Variants in ACBD3 observed in about 807,000 individuals in gnomAD.
ACBD3 encodes Golgi resident protein GCP60.
Under a neutral mutation model 66.9 loss-of-function variants are expected in ACBD3, and 30 were observed. The ratio of observed to expected loss-of-function variants is 0.45; its 90% CI spans 0.34 to 0.61. The LOEUF (loss-of-function observed/expected upper bound fraction) is 0.61, where lower values mean the gene tolerates loss of function less well. Among genes scored for constraint, ACBD3 ranks in the 20% least tolerant of loss-of-function variants. The probability of loss-of-function intolerance (pLI) is 0.02; values close to 1 mark genes in which losing one functional copy is unlikely to be tolerated. For synonymous variants in ACBD3, 278 were observed against 259.8 expected, an observed-to-expected ratio of 1.07 and a Z score of -0.68; for missense variants, 544 against 664.5, an observed-to-expected ratio of 0.82 and a Z score of 1.99.
chr1:226,172,076 A>G (rs569414112), intron 1 of ACBD3, among the ~76,000 whole-genome samples: 106 of 137,688 alleles, frequency 7.7e-4, no homozygotes, highest in Non-Finnish European at 4.1e-4. Context: ...AGTTGCTTGA[A>G]CCTGGGAGGC....
intron 5 of ACBD3, among the ~76,000 whole-genome samples, chr1:226,156,976 T>C (rs1659686194): frequency 6.6e-6 from 1 of 152,200 alleles, no homozygotes. Flanking sequence ...TGTAATAGAT[T>C]GTAATGATAT....
rs1007304536 is a variant in ACBD3 at position 226,153,666 on chromosome 1, T to C, written c.1090+981A>G. Reference sequence around the variant, plus strand: ...TAGCACTCAGGAAACCTTCAACTAATTGCTGAATGAACAAATGAGCTGCCC... The same window carrying C: ...TAGCACTCAGGAAACCTTCAACTAACTGCTGAATGAACAAATGAGCTGCCC... On this transcript the variant is annotated intron_variant, in intron 6 of 7. Transcript: ENST00000366812. Among the ~76,000 whole-genome samples, 85 of 152,318 alleles carry C rather than the reference T, an allele frequency of 5.6e-4. No homozygotes were observed. The Middle Eastern group carries it at 0.01, about 18-fold the overall frequency.
At chr1:226,165,130 T>C (rs971105254) in intron 2 of ACBD3, among the ~76,000 whole-genome samples, 6 of 152,168 alleles carry the variant, frequency 3.9e-5, no homozygotes, top group African/African-American at 7.2e-5. Context: ...AACAACTGCA[T>C]TGCTGATGAT....
intron 3 of ACBD3, among the ~76,000 whole-genome samples, chr1:226,162,462 A>AT (rs1659790095): frequency 1.3e-5 from 2 of 152,170 alleles, no homozygotes; most frequent in South Asian, 4.1e-4. Flanking sequence ...TGAAATTAAA[A>AT]TTTTTTGTAA....
At chr1:226,171,818 C>T (rs1039228162) in intron 1 of ACBD3, among the ~76,000 whole-genome samples, 13 of 152,062 alleles carry the variant, frequency 8.5e-5, no homozygotes, top group African/African-American at 2.9e-4. Flanking sequence ...GCTGGGATTA[C>T]AGACGTGAGC....
intron 5 of ACBD3, among the ~76,000 whole-genome samples, chr1:226,158,518 G>A (rs538473379): frequency 4.3e-4 from 66 of 152,214 alleles, no homozygotes; most frequent in Admixed American, 6.5e-5. Context: ...CTATTGTTAC[G>A]GACTGAAAGA....
intron 1 of ACBD3, among the ~76,000 whole-genome samples, chr1:226,181,837 CAAG>C (rs1656176432): frequency 6.6e-6 from 1 of 152,120 alleles, no homozygotes; most frequent in Admixed American, 6.5e-5. Context: ...CAACTCCATC[CAAG>C]AAGTATAAAG....
chr1:226,163,882 A>T (rs1269109243), intron 3 of ACBD3, among the ~76,000 whole-genome samples: 2 of 152,170 alleles, frequency 1.3e-5, no homozygotes, highest in Non-Finnish European at 2.9e-5. Flanking sequence ...GCACTTTGGG[A>T]GGACCAGGCG....
intron 1 of ACBD3, among the ~76,000 whole-genome samples, chr1:226,180,860 G>A (rs192382724): frequency 8.5e-5 from 13 of 152,062 alleles, no homozygotes; most frequent in Admixed American, 1.3e-4. Flanking sequence ...TTAGCTGGGC[G>A]TAGTGGCATG....
intron 7 of ACBD3, chr1:226,148,017 C>T (rs1463475694): frequency 6.6e-6 from 1 of 152,050 alleles, no homozygotes; most frequent in Non-Finnish European, 1.5e-5. Flanking sequence ...TGAATTCTGG[C>T]AACACACTGA....
chr1:226,171,236 C>T (rs1235716673), intron 1 of ACBD3, among the ~76,000 whole-genome samples: 3 of 151,990 alleles, frequency 2.0e-5, no homozygotes, highest in African/African-American at 7.2e-5. Context: ...CAACCTCCAT[C>T]TCCCTGGTTC....
chr1:226,153,370 A>G (rs1659613709), intron 6 of ACBD3, among the ~76,000 whole-genome samples: 1 of 152,200 alleles, frequency 6.6e-6, no homozygotes, highest in Non-Finnish European at 1.5e-5. Context: ...AAGATCTCTG[A>G]AACCAAATTT....
intron 1 of ACBD3, among the ~76,000 whole-genome samples, chr1:226,169,882 T>C (rs904491174): frequency 5.3e-5 from 8 of 151,526 alleles, no homozygotes; most frequent in African/African-American, 1.5e-4. Flanking sequence ...ACTAGCTGGG[T>C]GTGGTGGTAC....
chr1:226,169,238 G>C (rs72759065), intron 1 of ACBD3, among the ~76,000 whole-genome samples: 6 of 111,766 alleles, frequency 5.4e-5, no homozygotes, highest in Admixed American at 5.1e-4. Context: ...GATTTAGAGA[G>C]TTTTTTTTTA....
chr1:226,186,409 C>T lies in ACBD3; in HGVS notation c.267G>A (p.Leu89=). The part of the protein sequence containing the change: ...WGFGLEELYG[L]ALRFFKEKDG... The stretch of plus-strand genomic sequence containing the variant: ...GCTCACCTTTGAAGAAGCGCAGTGC[C>T]AGGCCGTACAACTCCTCCAGGCCGA... The change falls in exon 1 of 8, where the codon CTG becomes CTA. Residue 89 remains leucine (L), a synonymous_variant. Coordinates refer to ENST00000366812, the MANE Select transcript of ACBD3 (RefSeq NM_022735.4). 1 of 1,523,980 alleles carries T rather than the reference C, an allele frequency of 6.6e-7. No individual in the cohort carries two copies. Among genetic ancestry groups the T allele is most frequent in the Non-Finnish European group, 8.8e-7 (1 of 1,136,332 alleles). 94.4% of individuals were successfully genotyped at this position (1,523,980 alleles called of 1,614,324 possible).
intron 6 of ACBD3, among the ~76,000 whole-genome samples, 191 bp from the exon 7 acceptor site, chr1:226,152,810 T>C (rs138523127): frequency 3.9e-5 from 6 of 152,318 alleles, no homozygotes; most frequent in African/African-American, 1.2e-4. Context: ...TTTAACAATG[T>C]TGCAGGCACT....
intron 7 of ACBD3, among the ~76,000 whole-genome samples, chr1:226,151,623 T>A (rs1374827898): frequency 6.6e-6 from 1 of 152,184 alleles, no homozygotes; most frequent in Non-Finnish European, 1.5e-5. Context: ...ACATAAAAAA[T>A]TTTAGAATAA....
chr1:226,163,873 C>G (rs1659817578), intron 3 of ACBD3, among the ~76,000 whole-genome samples: 1 of 152,094 alleles, frequency 6.6e-6, no homozygotes, highest in Non-Finnish European at 1.5e-5. Context: ...GTAATCCCAG[C>G]ACTTTGGGAG....
intron 6 of ACBD3, among the ~76,000 whole-genome samples, chr1:226,153,066 C>G (rs1055652103): frequency 1.3e-5 from 2 of 152,180 alleles, no homozygotes; most frequent in Admixed American, 1.3e-4. Flanking sequence ...CTCCAACTAT[C>G]CCAAAGTTCT....
Sources: gnomAD v4.1 joint callset for allele counts (sites outside exome capture counted in the v4.1 genomes callset) on GRCh38, gnomAD v4.1.1 for gene constraint, MANE v1.5 for transcripts, NCBI Gene and HGNC (gene_info 2026-07-23, HGNC 2026-07-21) for gene names.